The following DIS3L2 variants were observed in gnomAD, a reference collection of about 807,000 sequenced individuals.
DIS3L2 encodes DIS3 like 3'-5' exoribonuclease 2.
In DIS3L2, 34 loss-of-function variants were observed where a neutral mutation model predicts 97.5. The observed-to-expected ratio is 0.35, with a 90% confidence interval of 0.27 to 0.46. The LOEUF is 0.46. DIS3L2 is among the 20% of genes least tolerant of loss of function. DIS3L2 has a pLI of 1.00. For synonymous variants in DIS3L2, 435 were observed against 445.2 expected (o/e 0.98, Z 0.29); for missense variants, 1,038 against 1,146.0 (o/e 0.91, Z 1.36).
At chr2:232,171,108 A>T (rs1690976720) in intron 9 of DIS3L2, among the ~76,000 whole-genome samples, 1 of 152,214 alleles carries the variant, frequency 6.6e-6, no homozygotes, top group Admixed American at 6.5e-5. Context: ...AGGTGATTTT[A>T]GGCAAACCAG....
At chr2:232,103,723 C>T (rs1462760379) in intron 6 of DIS3L2, among the ~76,000 whole-genome samples, 2 of 152,100 alleles carry the variant, frequency 1.3e-5, no homozygotes, top group African/African-American at 2.4e-5. Flanking sequence ...GTTACAATAG[C>T]GTTGAGAGTG....
chr2:232,130,444 C>T (rs1211624533), intron 6 of DIS3L2, among the ~76,000 whole-genome samples, 175 bp from the exon 7 acceptor site: 1 of 152,148 alleles, frequency 6.6e-6, no homozygotes, highest in Non-Finnish European at 1.5e-5. Flanking sequence ...GAGTGCTCAG[C>T]CTGAGTATAA....
At chr2:232,234,595 G>A (rs575590276) in intron 10 of DIS3L2, among the ~76,000 whole-genome samples, 5 of 152,218 alleles carry the variant, frequency 3.3e-5, no homozygotes, top group Admixed American at 1.3e-4. Flanking sequence ...CAGGTGATCC[G>A]CCAACCTCAG....
At chr2:231,968,919 G>T (rs531570923) in intron 1 of DIS3L2, among the ~76,000 whole-genome samples, 69 of 152,278 alleles carry the variant, frequency 4.5e-4, no homozygotes, top group Non-Finnish European at 8.8e-4. Flanking sequence ...GGATTATGGG[G>T]CTGGTTTCCC....
intron 13 of DIS3L2, among the ~76,000 whole-genome samples, chr2:232,290,182 T>C (rs1213520377): frequency 6.6e-6 from 1 of 152,208 alleles, no homozygotes; most frequent in Admixed American, 6.5e-5. Flanking sequence ...CAGCTTTGAT[T>C]AGGATGAGCA....
intron 14 of DIS3L2, among the ~76,000 whole-genome samples, chr2:232,309,941 C>A (rs368254959): frequency 2.6e-5 from 4 of 152,196 alleles, no homozygotes; most frequent in African/African-American, 4.8e-5. Flanking sequence ...TAGCTTCCCC[C>A]CTGCTTGGTT....
At chr2:232,003,924 T>A (rs527592387) in intron 1 of DIS3L2, among the ~76,000 whole-genome samples, 1 of 152,228 alleles carries the variant, frequency 6.6e-6, no homozygotes, top group Non-Finnish European at 1.5e-5. Context: ...GATATAGATA[T>A]AATTTTTAAA....
chr2:232,236,894 G>A (rs184055010), intron 10 of DIS3L2, among the ~76,000 whole-genome samples: 1 of 152,264 alleles, frequency 6.6e-6, no homozygotes, highest in African/African-American at 2.4e-5. Flanking sequence ...TGGGACTACA[G>A]GTGTGTGCCA....
chr2:232,073,644 A>G (rs1250988199), intron 5 of DIS3L2, among the ~76,000 whole-genome samples: 4 of 152,218 alleles, frequency 2.6e-5, no homozygotes, highest in Non-Finnish European at 5.9e-5. Flanking sequence ...GAAATGTTTC[A>G]TGCTTGGAGT....
At chr2:232,091,883 C>T (rs965372963) in intron 6 of DIS3L2, among the ~76,000 whole-genome samples, 11 of 152,146 alleles carry the variant, frequency 7.2e-5, no homozygotes, top group African/African-American at 2.4e-4. Context: ...TTTTGACTTG[C>T]ATTTCTCTGA....
chr2:232,084,992 T>G (rs923075749), intron 5 of DIS3L2, among the ~76,000 whole-genome samples: 1 of 152,214 alleles, frequency 6.6e-6, no homozygotes, highest in African/African-American at 2.4e-5. Context: ...TGTATTAAAA[T>G]GCTTTAGGAA....
At chr2:231,974,958 A>G (rs976042931) in intron 1 of DIS3L2, among the ~76,000 whole-genome samples, 8 of 152,228 alleles carry the variant, frequency 5.3e-5, no homozygotes, top group Admixed American at 2.0e-4. Context: ...TTTATAAAGG[A>G]AAGTCTTCAA....
At chr2:232,042,456 G>C (rs1355893160) in intron 5 of DIS3L2, among the ~76,000 whole-genome samples, 1 of 152,070 alleles carries the variant, frequency 6.6e-6, no homozygotes, top group Non-Finnish European at 1.5e-5. Flanking sequence ...TGCATGGCAG[G>C]CCTGAAAAAG....
At chr2:232,222,266 A>G (rs780623467) in intron 10 of DIS3L2, among the ~76,000 whole-genome samples, 2 of 151,876 alleles carry the variant, frequency 1.3e-5, no homozygotes, top group Non-Finnish European at 2.9e-5. Context: ...TCTAATCCCC[A>G]TTTTGAAATG....
At chr2:231,979,855 C>T (rs1291993266) in intron 1 of DIS3L2, among the ~76,000 whole-genome samples, 4 of 152,142 alleles carry the variant, frequency 2.6e-5, no homozygotes, top group Admixed American at 1.3e-4. Flanking sequence ...GGATTACAGT[C>T]GTGAGCCACT....
At chr2:232,002,699 A>G (rs1221860991) in intron 1 of DIS3L2, among the ~76,000 whole-genome samples, 1 of 152,200 alleles carries the variant, frequency 6.6e-6, no homozygotes, top group Admixed American at 6.5e-5. Context: ...ATAAAAAGGC[A>G]TATTAAGTGA....
intron 5 of DIS3L2, among the ~76,000 whole-genome samples, chr2:232,081,867 G>C (rs958256262): frequency 1.3e-5 from 2 of 152,186 alleles, no homozygotes; most frequent in Non-Finnish European, 2.9e-5. Flanking sequence ...TTGGCTCACT[G>C]CAACTTTTGC....
Position 232,324,540 on chromosome 2 carries a change from T to C in DIS3L2, c.1740-5273T>C, listed in dbSNP as rs1341393581. 3.9e-5 allele frequency among the ~76,000 whole-genome samples: 6 copies of C among 152,254 alleles called. No homozygotes were observed. In the East Asian group the frequency reaches 9.7e-4, roughly 25 times the overall value. On this transcript the variant is annotated intron_variant, in intron 14 of 20. Coordinates refer to ENST00000325385, the MANE Select transcript of DIS3L2 (RefSeq NM_152383.5). ...CTCCCGCTCATTTCCAAGGCCACTC[T>C]CTGAGTGTCCTGTGTGAGGAAGGGG...
At chr2:232,125,965 A>G (rs757748120) in intron 6 of DIS3L2, among the ~76,000 whole-genome samples, 12 of 152,354 alleles carry the variant, frequency 7.9e-5, no homozygotes, top group Admixed American at 1.3e-4. Flanking sequence ...TACATACTGC[A>G]TTCTTTTCAT....
Sources: allele counts gnomAD v4.1 joint callset (sites outside exome capture counted in the v4.1 genomes callset), GRCh38; gene constraint gnomAD v4.1.1; transcripts MANE v1.5; gene names NCBI Gene and HGNC (gene_info 2026-07-23, HGNC 2026-07-21).